LRP1B: variants seen among roughly 807,000 people sequenced by gnomAD.
LRP1B encodes LDL receptor related protein 1B.
LRP1B carries 217 observed loss-of-function variants against 556.6 expected under a neutral mutation model. The ratio of observed to expected loss-of-function variants is 0.39; its 90% CI spans 0.35 to 0.44. LRP1B has a LOEUF of 0.44. Ranked by LOEUF, LRP1B falls within the 20% of genes least tolerant of loss-of-function variation. LRP1B has a pLI of 1.00. For synonymous variants in LRP1B, 2,047 were observed against 1,865.8 expected, an observed-to-expected ratio of 1.10 and a Z score of -2.50; for missense variants, 5,053 against 5,620.8, an observed-to-expected ratio of 0.90 and a Z score of 3.23.
At chr2:140,492,815 G>A (rs1243696543) in intron 56 of LRP1B, 122 bp from the exon 57 acceptor site, 5 of 671,712 alleles carry the variant, frequency 7.4e-6, no homozygotes, top group Non-Finnish European at 1.3e-5. Context: ...GTAGCTTCAG[G>A]GTTTAAAAAG....
chr2:140,915,509 T>C (rs1401175569), intron 21 of LRP1B, among the ~76,000 whole-genome samples: 1 of 150,760 alleles, frequency 6.6e-6, no homozygotes, highest in African/African-American at 2.4e-5. Flanking sequence ...AAAAATTTAG[T>C]CAGGTGTGGT....
chr2:140,989,287 G>T (rs1047887687), intron 17 of LRP1B, among the ~76,000 whole-genome samples: 1 of 152,048 alleles, frequency 6.6e-6, no homozygotes, highest in Non-Finnish European at 1.5e-5. Context: ...GTAGTGTGTC[G>T]ACAGTCAACC....
At chr2:141,947,825 A>C (rs1700997526) in intron 1 of LRP1B, among the ~76,000 whole-genome samples, 1 of 45,482 alleles carries the variant, frequency 2.2e-5, no homozygotes, top group Non-Finnish European at 4.5e-5. Flanking sequence ...AGAAAAAAAA[A>C]ACAACAATAC....
intron 1 of LRP1B, among the ~76,000 whole-genome samples, chr2:141,879,171 T>C (rs72849386): frequency 0.11 from 17,139 of 151,856 alleles, 1,283 homozygotes; most frequent in African/African-American, 0.22. Context: ...TAAGTATTCC[T>C]TATATTAATA....
intron 59 of LRP1B, among the ~76,000 whole-genome samples, chr2:140,482,264 A>C (rs1225141605): frequency 6.6e-6 from 1 of 152,176 alleles, no homozygotes; most frequent in Non-Finnish European, 1.5e-5. Context: ...GAGTTGAATA[A>C]ATGAATGAGT....
chr2:140,844,443 G>C (rs915614498), intron 29 of LRP1B, among the ~76,000 whole-genome samples: 1 of 151,672 alleles, frequency 6.6e-6, no homozygotes, highest in Non-Finnish European at 1.5e-5. Flanking sequence ...ATGTCTAAAA[G>C]AATACTCTTC....
intron 1 of LRP1B, among the ~76,000 whole-genome samples, chr2:141,987,537 C>T (rs1171414381): frequency 2.8e-5 from 4 of 142,380 alleles, no homozygotes; most frequent in Non-Finnish European, 6.0e-5. Context: ...GGTTGGGATG[C>T]TGATTTAAGC....
intron 1 of LRP1B, among the ~76,000 whole-genome samples, chr2:141,918,289 C>T (rs763109575): frequency 6.6e-6 from 1 of 151,660 alleles, no homozygotes; most frequent in African/African-American, 2.4e-5. Flanking sequence ...ACATGTGCTA[C>T]CTAAAAAAAG....
chr2:140,829,243 A>G (rs1691632611), intron 31 of LRP1B, among the ~76,000 whole-genome samples: 1 of 152,200 alleles, frequency 6.6e-6, no homozygotes, highest in Non-Finnish European at 1.5e-5. Flanking sequence ...AAAATCAACC[A>G]AGAAACAGTG....
intron 7 of LRP1B, among the ~76,000 whole-genome samples, chr2:141,083,707 T>C (rs1044926096): frequency 6.6e-6 from 1 of 152,162 alleles, no homozygotes; most frequent in Non-Finnish European, 1.5e-5. Flanking sequence ...GGAGTGGGAC[T>C]GGTGACTTTA....
intron 10 of LRP1B, among the ~76,000 whole-genome samples, chr2:141,051,669 T>C (rs2105450072): frequency 6.6e-6 from 1 of 152,206 alleles, no homozygotes; most frequent in East Asian, 1.9e-4. Flanking sequence ...AGAGCCGATA[T>C]CTTGATTGTT....
chr2:140,764,908 C>T (rs984332891), intron 35 of LRP1B, among the ~76,000 whole-genome samples: 16 of 152,146 alleles, frequency 1.1e-4, no homozygotes, highest in African/African-American at 3.9e-4. Context: ...AGCCAGATTA[C>T]TATGTGATGG....
intron 25 of LRP1B, among the ~76,000 whole-genome samples, chr2:140,876,038 A>C (rs1001836109): frequency 2.6e-5 from 4 of 152,108 alleles, no homozygotes; most frequent in African/African-American, 9.7e-5. Context: ...TAAAACTCTA[A>C]CAGATGCTCT....
At chr2:141,664,972 T>A (rs892258388) in intron 2 of LRP1B, among the ~76,000 whole-genome samples, 1 of 152,094 alleles carries the variant, frequency 6.6e-6, no homozygotes, top group African/African-American at 2.4e-5. Context: ...AAGTCTACAA[T>A]AACCAAAACA....
chr2:141,567,460 C>T (rs747925386), intron 2 of LRP1B, among the ~76,000 whole-genome samples: 18 of 152,134 alleles, frequency 1.2e-4, no homozygotes, highest in Non-Finnish European at 2.6e-4. Context: ...TGCCATATTT[C>T]TGTTTCCAAT....
intron 1 of LRP1B, among the ~76,000 whole-genome samples, chr2:141,987,549 GTTT>G (rs5834887): frequency 7.1e-6 from 1 of 139,982 alleles, no homozygotes; most frequent in African/African-American, 2.6e-5. Flanking sequence ...GATTTAAGCT[GTTT>G]TTTTTTTTTT....
intron 84 of LRP1B, among the ~76,000 whole-genome samples, chr2:140,291,901 G>A (rs1209060132): frequency 6.6e-6 from 1 of 152,114 alleles, no homozygotes; most frequent in African/African-American, 2.4e-5. Context: ...TTCCACAATG[G>A]TTGAACTAGT....
chr2:141,616,855 T>C (rs1360345911), intron 2 of LRP1B, among the ~76,000 whole-genome samples: 2 of 152,216 alleles, frequency 1.3e-5, no homozygotes, highest in East Asian at 3.8e-4. Flanking sequence ...CACTTATAAG[T>C]ACTGTTTTGT....
chr2:141,835,739 C>A (rs1697254922), intron 1 of LRP1B, among the ~76,000 whole-genome samples: 1 of 151,566 alleles, frequency 6.6e-6, no homozygotes, highest in Admixed American at 6.6e-5. Flanking sequence ...TGAAAGAAAG[C>A]TGAGATTTAT....
Sources: allele counts gnomAD v4.1 joint callset (sites outside exome capture counted in the v4.1 genomes callset), GRCh38; gene constraint gnomAD v4.1.1; transcripts MANE v1.5; gene names NCBI Gene and HGNC (gene_info 2026-07-23, HGNC 2026-07-21).